The following CABLES2 variants were observed in gnomAD, a reference collection of about 807,000 sequenced individuals.
CABLES2 encodes CDK5 and ABL1 enzyme substrate 2.
CABLES2 carries 35 observed loss-of-function variants against 44.8 expected under a neutral mutation model. The ratio of observed to expected loss-of-function variants is 0.78; its 90% CI spans 0.60 to 1.04. CABLES2 has a LOEUF of 1.04. Among genes scored for constraint, CABLES2 ranks in the 50% least tolerant of loss-of-function variants. CABLES2 has a pLI of 0.00. For synonymous variants in CABLES2, 282 were observed against 281.1 expected, an observed-to-expected ratio of 1.00 and a Z score of -0.03; for missense variants, 566 against 615.7, an observed-to-expected ratio of 0.92 and a Z score of 0.85.
Position 62,391,541 on chromosome 20 carries a change from C to T in CABLES2, c.1092-88G>A, listed in dbSNP as rs565387903. Reference sequence around the variant, plus strand: ...CTGCCACCACCAACCGAGGCTGGAGCGATGTAGCTTTGGGCCGCAAGAAAC... The same window carrying T: ...CTGCCACCACCAACCGAGGCTGGAGTGATGTAGCTTTGGGCCGCAAGAAAC... On this transcript the variant is annotated intron_variant, in intron 8 of 9. Transcript: ENST00000279101. The surrounding 1 kb of genome is among the most constrained non-coding windows in gnomAD (Gnocchi z 5.7). The T allele has an allele frequency of 5.4e-5, 75 of 1,383,422 alleles. No individual in the cohort carries two copies. The highest frequency in any genetic ancestry group is 3.9e-4 in the Middle Eastern group (2 of 5,194). 85.7% of individuals were successfully genotyped at this position (1,383,422 alleles called of 1,614,324 possible). A position where few individuals can be genotyped will look rare whatever the true frequency, so the allele number is the denominator to read the frequency against.
intron 1 of CABLES2, chr20:62,405,586 CT>C (rs1331750898): frequency 6.6e-6 from 1 of 152,310 alleles, no homozygotes; most frequent in African/African-American, 2.4e-5. Flanking sequence ...ACGTCATAGT[CT>C]TTGAGGACAG....
In CABLES2 at chr20:62,392,381, G is replaced by A. The variant is rs749442638; in HGVS notation, c.1091+8C>T. Reference sequence around the variant, plus strand: ...GGACGATGAGATGGTCTGAGAGGGTGTCCTCACCTCCTGATTTTGCTCAGC... The same window carrying A: ...GGACGATGAGATGGTCTGAGAGGGTATCCTCACCTCCTGATTTTGCTCAGC... On this transcript the variant is annotated splice_region_variant and intron_variant, in intron 8 of 9. Transcript: ENST00000279101. 1.4e-5 allele frequency: 23 copies of A among 1,600,906 alleles called. No individual in the cohort carries two copies. Among genetic ancestry groups the A allele is most frequent in the East Asian group, 1.3e-4 (6 of 44,818 alleles).
At position 62,388,889 on chromosome 20, in the gene CABLES2, G is replaced by T; in HGVS notation, c.*2082C>A. ...GTTTGGTTTAACTACTGGCTTTGTTGCAATAATCCTCGAATACCACACAGT... is the reference window on the plus strand; with the variant it reads ...GTTTGGTTTAACTACTGGCTTTGTTTCAATAATCCTCGAATACCACACAGT... On this transcript the variant is annotated 3_prime_UTR_variant, in exon 10 of 10. Transcript: ENST00000279101. The T allele has an allele frequency of 5.0e-6, 1 of 201,326 alleles. No homozygotes were observed. The highest frequency in any genetic ancestry group is 1.4e-4 in the East Asian group (1 of 7,102). The allele number at this position is 201,326 out of a possible 1,614,324, so 12.5% of individuals were successfully genotyped here.
chr20:62,400,738 C>A (rs1988173694), intron 1 of CABLES2, among the ~76,000 whole-genome samples: 1 of 152,146 alleles, frequency 6.6e-6, no homozygotes, highest in African/African-American at 2.4e-5. Flanking sequence ...GATCCTCTGG[C>A]CCAGGACGCA....
In CABLES2 at chr20:62,390,271, T is replaced by G. The variant is rs1987889654; in HGVS notation, c.*700A>C. 1 of 152,596 alleles carries G rather than the reference T, an allele frequency of 6.6e-6. No individual in the cohort carries two copies. The allele number at this position is 152,596 out of a possible 1,614,324, so 9.5% of individuals were successfully genotyped here. ...ACACAGGGGCGTTAGGATTTCACAG[T>G]GACACGATGCTTGAAGAACAGAGAG... On this transcript the variant is annotated 3_prime_UTR_variant, in exon 10 of 10. Coordinates refer to ENST00000279101, the MANE Select transcript of CABLES2 (RefSeq NM_031215.3).
Position 62,390,875 on chromosome 20 carries a change from T to A in CABLES2, c.*96A>T, listed in dbSNP as rs1987902248. 6.8e-6 allele frequency: 10 copies of A among 1,469,200 alleles called. No individual in the cohort carries two copies. The East Asian group carries it at 2.3e-4, about 34-fold the overall frequency. 91.0% of individuals were successfully genotyped at this position (1,469,200 alleles called of 1,614,324 possible). On this transcript the variant is annotated 3_prime_UTR_variant, in exon 10 of 10. Transcript: ENST00000279101. ...CCAGGTGCCTCCTGCTAGCAGGTGC[T>A]GGGGGTGCTGGCAGGAGGAGGCGCG...
intron 8 of CABLES2, among the ~76,000 whole-genome samples, chr20:62,392,023 G>A (rs530377750): frequency 6.6e-6 from 1 of 152,220 alleles, no homozygotes; most frequent in East Asian, 1.9e-4. Context: ...GGATGGGGGC[G>A]CTTTGTGGGC....
chr20:62,398,088 A>ATGGTGGTGGTGATGGTGGTGG (rs1569017555), intron 1 of CABLES2, among the ~76,000 whole-genome samples: 1 of 52,162 alleles, frequency 1.9e-5, no homozygotes, highest in Non-Finnish European at 4.0e-5. Flanking sequence ...GGTGGTGGTG[A>ATGGTGGTGGTGATGGTGGTGG]CGGTGGTGGT....
intron 7 of CABLES2, among the ~76,000 whole-genome samples, 164 bp downstream of exon 7, chr20:62,392,756 G>A (rs1987942594): frequency 1.3e-5 from 2 of 152,190 alleles, no homozygotes; most frequent in Admixed American, 1.3e-4. Context: ...GGCCAGCACT[G>A]CTCCCTGGCC....
At chr20:62,398,262 TGGTGATGGCGGTGGTGGTGGTG>T (rs1988117001) in intron 1 of CABLES2, among the ~76,000 whole-genome samples, 1 of 128,676 alleles carries the variant, frequency 7.8e-6, no homozygotes, top group Non-Finnish European at 1.6e-5. Flanking sequence ...GTGGTGGTGA[TGGTGATGGCGGTGGTGGTGGTG>T]GTGATGGTGG....
chr20:62,397,800 CAAT>C (rs1485296481), intron 1 of CABLES2, among the ~76,000 whole-genome samples: 1 of 151,726 alleles, frequency 6.6e-6, no homozygotes, highest in Non-Finnish European at 1.5e-5. Flanking sequence ...ATTGCGATGA[CAAT>C]GATGGGCGAT....
At chr20:62,398,193 A>ATGATGGTGATGGTGGTGGTGT in intron 1 of CABLES2, among the ~76,000 whole-genome samples, 1 of 30,070 alleles carries the variant, frequency 3.3e-5, no homozygotes, top group Non-Finnish European at 5.7e-5. Flanking sequence ...GGTGATGGTG[A>ATGATGGTGATGGTGGTGGTGT]TGATGGTGGT....
Position 62,393,466 on chromosome 20 carries a change from T to G in CABLES2, c.854A>C (p.Lys285Thr). 6.2e-7 allele frequency: 1 copy of G among 1,610,740 alleles called. No homozygotes were observed. Among genetic ancestry groups the G allele is most frequent in the Non-Finnish European group, 8.5e-7 (1 of 1,178,224 alleles). The change falls in exon 6 of 10, where the codon AAG becomes ACG. Residue 285 changes from lysine (K) to threonine (T), a missense_variant. Coordinates refer to ENST00000279101, the MANE Select transcript of CABLES2 (RefSeq NM_031215.3). The part of the protein sequence containing the change: ...PGSRHKPAPT[K>T]SAPASTELGS... ...TAGTTCTGTGCTGGCTGGTGCCGAC[T>G]TGGTGGGGGCAGGTTTATGTCTTGA...
At position 62,407,285 on chromosome 20, in the gene CABLES2, T is replaced by C; in HGVS notation, c.-9A>G. Reference sequence around the variant, plus strand: ...GCCGCGGCCGCGGCCATCCTCAGACTGCGCCCGCCGCCGCGAAGCGCCCCA... The same window carrying C: ...GCCGCGGCCGCGGCCATCCTCAGACCGCGCCCGCCGCCGCGAAGCGCCCCA... On this transcript the variant is annotated 5_prime_UTR_variant, in exon 1 of 10. Coordinates refer to ENST00000279101, the MANE Select transcript of CABLES2 (RefSeq NM_031215.3). The C allele has an allele frequency of 2.6e-6, 1 of 378,290 alleles. No individual in the cohort carries two copies. The highest frequency in any genetic ancestry group is 3.6e-6 in the Non-Finnish European group (1 of 279,396). The allele number at this position is 378,290 out of a possible 1,614,324, so 23.4% of individuals were successfully genotyped here.
rs1266633185 is a variant in CABLES2, at chr20:62,388,967, C to A, written c.*2004G>T. 1 of 165,198 alleles carries A rather than the reference C, an allele frequency of 6.1e-6. No homozygotes were observed. The highest frequency in any genetic ancestry group is 2.4e-5 in the African/African-American group (1 of 41,606). The allele number at this position is 165,198 out of a possible 1,614,324, so 10.2% of individuals were successfully genotyped here. On this transcript the variant is annotated 3_prime_UTR_variant, in exon 10 of 10. Transcript: ENST00000279101. ...ACATAACTGAAGGGAAGGCTTCACA[C>A]ATCACAAAGACCGGGTTGGTTAATG... is the stretch of plus-strand genomic sequence containing the variant.
Position 62,396,396 on chromosome 20 carries a change from G to T in CABLES2, c.446C>A (p.Thr149Lys). The change falls in exon 3 of 10, where the codon ACA becomes AAA. Residue 149 changes from threonine (T) to lysine (K), a missense_variant. Physicochemically the swap from Thr to Lys is moderately conservative, Grantham distance 78 (BLOSUM62 -1). Coordinates refer to ENST00000279101, the MANE Select transcript of CABLES2 (RefSeq NM_031215.3). This position sits in a 1 kb window ranked among gnomAD's most constrained non-coding sequence, Gnocchi z 5.7. ...GCAPAQRTKH[T>K]SGSPRHKGLK... Reference sequence around the variant, plus strand: ...GCCTTTATGTCTCGGTGATCCAGATGTGTGTTTGGTTCTGCAAGGCAAAGG... The same window carrying T: ...GCCTTTATGTCTCGGTGATCCAGATTTGTGTTTGGTTCTGCAAGGCAAAGG... The T allele has an allele frequency of 6.2e-7, 1 of 1,613,986 alleles. No individual in the cohort carries two copies. Among genetic ancestry groups the T allele is most frequent in the African/African-American group, 1.3e-5 (1 of 75,004 alleles).
chr20:62,397,280 CA>C, intron 1 of CABLES2, among the ~76,000 whole-genome samples: 1 of 152,286 alleles, frequency 6.6e-6, no homozygotes, highest in South Asian at 2.1e-4. Flanking sequence ...CTGGTCACTA[CA>C]GGAAGGAGGC....
intron 3 of CABLES2, among the ~76,000 whole-genome samples, chr20:62,395,882 C>G (rs907162220): frequency 3.3e-5 from 5 of 152,244 alleles, no homozygotes; most frequent in Non-Finnish European, 4.4e-5. Flanking sequence ...CACAGCCTCT[C>G]AGGGTGCAGC....
At position 62,388,763 on chromosome 20, in the gene CABLES2, C is replaced by T. The variant is rs960540021; in HGVS notation, c.*2208G>A. 1.3e-5 allele frequency: 6 copies of T among 477,564 alleles called. No individual in the cohort carries two copies. Among genetic ancestry groups the T allele is most frequent in the South Asian group, 6.6e-5 (3 of 45,200 alleles). 29.6% of individuals were successfully genotyped at this position (477,564 alleles called of 1,614,324 possible). On this transcript the variant is annotated 3_prime_UTR_variant, in exon 10 of 10. Transcript: ENST00000279101. ...CTGACATCCACAACTGCTACCGGTG[C>T]GGAAGCAACGCCAGGCCTGGTTCTG...
Sources: allele counts gnomAD v4.1 joint callset (sites outside exome capture counted in the v4.1 genomes callset), GRCh38; gene constraint gnomAD v4.1.1; non-coding constraint Gnocchi (gnomAD v3.1); transcripts MANE v1.5; gene names NCBI Gene and HGNC (gene_info 2026-07-23, HGNC 2026-07-21).